CLASP2: variants seen among roughly 807,000 people sequenced by gnomAD.
CLASP2 encodes cytoplasmic linker associated protein 2.
Under a neutral mutation model 194.4 loss-of-function variants are expected in CLASP2, and 47 were observed. That is an observed-to-expected ratio of 0.24 (90% confidence interval 0.19 to 0.31). CLASP2 has a LOEUF of 0.31. Among genes scored for constraint, CLASP2 ranks in the 10% least tolerant of loss-of-function variants. The pLI is 1.00. For missense variants in CLASP2, 1,445 were observed against 1,823.6 expected, an observed-to-expected ratio of 0.79 and a Z score of 3.78; for synonymous variants, 619 against 633.5, an observed-to-expected ratio of 0.98 and a Z score of 0.34.
chr3:33,672,265 G>A lies in CLASP2; in HGVS notation c.645-8750C>T, dbSNP rs2087441394. Among the ~76,000 whole-genome samples, 3 of 152,182 alleles carry A rather than the reference G, an allele frequency of 2.0e-5. No homozygotes were observed. In the South Asian group the frequency reaches 6.2e-4, roughly 32 times the overall value. Reference sequence around the variant, plus strand: ...GACAAAACTTCCAGAGGAACGAGCTGACAGCAGCATTCGCGGTTCACGAAA... The same window carrying A: ...GACAAAACTTCCAGAGGAACGAGCTAACAGCAGCATTCGCGGTTCACGAAA... On this transcript the variant is annotated intron_variant, in intron 6 of 38. Transcript: ENST00000682230.
At chr3:33,630,602 A>C (rs994166191) in intron 9 of CLASP2, among the ~76,000 whole-genome samples, 2 of 152,048 alleles carry the variant, frequency 1.3e-5, no homozygotes, top group Non-Finnish European at 2.9e-5. Flanking sequence ...CATTGAACGG[A>C]CTCTTTAAAA....
At chr3:33,611,182 A>T (rs1423087362) in intron 13 of CLASP2, among the ~76,000 whole-genome samples, 1 of 152,188 alleles carries the variant, frequency 6.6e-6, no homozygotes, top group African/African-American at 2.4e-5. Context: ...AGGCTATCGC[A>T]ACCTTACAAA....
intron 11 of CLASP2, among the ~76,000 whole-genome samples, chr3:33,621,498 T>C (rs1289874195): frequency 6.6e-6 from 1 of 152,222 alleles, no homozygotes; most frequent in African/African-American, 2.4e-5. Context: ...GATAGTTATA[T>C]CATCTGTTAA....
At chr3:33,659,610 G>T (rs779818205) in intron 7 of CLASP2, 6 of 170,098 alleles carry the variant, frequency 3.5e-5, no homozygotes, top group Non-Finnish European at 7.1e-5. Flanking sequence ...TCTGGCTGCC[G>T]TAAACAAATC....
chr3:33,500,740 G>C (rs1052087089), intron 38 of CLASP2, among the ~76,000 whole-genome samples: 1 of 140,032 alleles, frequency 7.1e-6, no homozygotes, highest in Non-Finnish European at 1.6e-5. Context: ...TGTATATTCT[G>C]CTTTTTTGCT....
intron 34 of CLASP2, among the ~76,000 whole-genome samples, chr3:33,522,749 A>C (rs899160798): frequency 1.4e-4 from 21 of 152,234 alleles, no homozygotes; most frequent in Admixed American, 5.9e-4. Context: ...GAAATTCTGG[A>C]ATTAAGAAGT....
At chr3:33,666,135 C>T (rs1335855580) in intron 6 of CLASP2, among the ~76,000 whole-genome samples, 1 of 152,048 alleles carries the variant, frequency 6.6e-6, no homozygotes, top group Non-Finnish European at 1.5e-5. Context: ...ATAGTAAATC[C>T]CAAGTATAAC....
intron 20 of CLASP2, among the ~76,000 whole-genome samples, chr3:33,594,577 CT>C (rs2069714048): frequency 6.6e-6 from 1 of 151,522 alleles, no homozygotes; most frequent in Admixed American, 6.6e-5. Flanking sequence ...TGCATGATCT[CT>C]CAAAGTATAA....
At chr3:33,714,479 A>C (rs1426199809) in intron 1 of CLASP2, among the ~76,000 whole-genome samples, 1 of 152,086 alleles carries the variant, frequency 6.6e-6, no homozygotes, top group Non-Finnish European at 1.5e-5. Context: ...AGTCTTCCCT[A>C]TTTCAATAAA....
chr3:33,655,921 T>G (rs1223376428), intron 7 of CLASP2, among the ~76,000 whole-genome samples: 1 of 152,226 alleles, frequency 6.6e-6, no homozygotes, highest in Non-Finnish European at 1.5e-5. Context: ...CAACAAAACC[T>G]TATTTCTTTC....
chr3:33,562,721 T>A (rs1425888032), intron 27 of CLASP2, among the ~76,000 whole-genome samples: 1 of 152,192 alleles, frequency 6.6e-6, no homozygotes, highest in African/African-American at 2.4e-5. Context: ...AACCTCTAGC[T>A]TTCCTATATG....
chr3:33,629,177 C>T (rs760073694), intron 9 of CLASP2, among the ~76,000 whole-genome samples: 4 of 152,090 alleles, frequency 2.6e-5, no homozygotes, highest in Admixed American at 6.6e-5. Flanking sequence ...GAAAAGTTGA[C>T]TGTGAGGGCC....
rs546964631 is a variant in CLASP2, at chr3:33,706,939, T to C, written c.196-10006A>G. Among the ~76,000 whole-genome samples the C allele has an allele frequency of 2.0e-5, 3 of 152,188 alleles. No homozygotes were observed. In the East Asian group the frequency reaches 5.8e-4, roughly 29 times the overall value. On this transcript the variant is annotated intron_variant, in intron 1 of 38. Transcript: ENST00000682230. ...GTGTTTATGCCACTGCACTCCAGAC[T>C]AGGCAACAAAGAGAGAGAGAGACCC... is the stretch of plus-strand genomic sequence containing the variant.
At chr3:33,705,032 T>TC (rs760618616) in intron 1 of CLASP2, among the ~76,000 whole-genome samples, 1 of 152,062 alleles carries the variant, frequency 6.6e-6, no homozygotes, top group Non-Finnish European at 1.5e-5. Flanking sequence ...GCCCAGGAAT[T>TC]CCACTCTTAG....
At chr3:33,612,935 G>C (rs915420128) in intron 12 of CLASP2, among the ~76,000 whole-genome samples, 7 of 152,150 alleles carry the variant, frequency 4.6e-5, no homozygotes, top group African/African-American at 1.7e-4. Flanking sequence ...AATAGGTATA[G>C]AGTTAGAACA....
chr3:33,696,656 C>T (rs1473235874), intron 2 of CLASP2, among the ~76,000 whole-genome samples, 199 bp downstream of exon 2: 2 of 151,584 alleles, frequency 1.3e-5, no homozygotes, highest in African/African-American at 2.4e-5. Flanking sequence ...TGTAGAGACA[C>T]GGTTTTGCCA....
At chr3:33,659,494 C>T (rs1575368576) in intron 7 of CLASP2, 1 of 754,640 alleles carries the variant, frequency 1.3e-6, no homozygotes, top group African/African-American at 1.9e-5. Flanking sequence ...GGTTTTCATC[C>T]TTTTGTCGTT....
At chr3:33,622,962 C>T (rs1219494011) in intron 10 of CLASP2, among the ~76,000 whole-genome samples, 1 of 152,042 alleles carries the variant, frequency 6.6e-6, no homozygotes, top group Non-Finnish European at 1.5e-5. Flanking sequence ...ATACATGCCA[C>T]CGTGCCTGGA....
chr3:33,619,621 T>C lies in CLASP2; in HGVS notation c.1299A>G (p.Ala433=), dbSNP rs1310338204. 1.8e-5 allele frequency: 28 copies of C among 1,550,366 alleles called. No homozygotes were observed. The highest frequency in any genetic ancestry group is 2.3e-5 in the Non-Finnish European group (26 of 1,146,568). ...AKVMATSGCA[A]IRFIIRHTHV... is the part of the protein sequence containing the mutation. The stretch of plus-strand genomic sequence containing the variant: ...AACCTACCCGAATGATAAATCTGAT[T>C]GCTGCACATCCAGAAGTTGCCATGA... Residue 433 remains alanine, a synonymous_variant, in exon 12 of 39, where the codon GCA becomes GCG. Transcript: ENST00000682230.
Sources: gnomAD v4.1 joint callset for allele counts (sites outside exome capture counted in the v4.1 genomes callset) on GRCh38, gnomAD v4.1.1 for gene constraint, MANE v1.5 for transcripts, NCBI Gene and HGNC (gene_info 2026-07-23, HGNC 2026-07-21) for gene names.